Variants in TRHDE observed in about 807,000 individuals in gnomAD.
The protein encoded by TRHDE is thyrotropin-releasing hormone-degrading ectoenzyme.
Under a neutral mutation model 125.7 loss-of-function variants are expected in TRHDE, and 72 were observed. The ratio of observed to expected loss-of-function variants is 0.57; its 90% CI spans 0.47 to 0.70. The LOEUF is 0.70. Ranked by LOEUF, TRHDE falls within the 30% of genes least tolerant of loss-of-function variation. The probability of loss-of-function intolerance (pLI) is 0.00; values close to 1 mark genes in which losing one functional copy is unlikely to be tolerated. For missense variants in TRHDE, 1,110 were observed against 1,327.1 expected, an observed-to-expected ratio of 0.84 and a Z score of 2.54; for synonymous variants, 509 against 509.1, an observed-to-expected ratio of 1.00 and a Z score of 0.00.
At chr12:72,555,182 T>G (rs549998031) in intron 7 of TRHDE, among the ~76,000 whole-genome samples, 1 of 152,224 alleles carries the variant, frequency 6.6e-6, no homozygotes, top group African/African-American at 2.4e-5. Flanking sequence ...ATGCCTTTTT[T>G]GTTCCTAGCA....
At chr12:72,182,075 TA>T (rs1877106281) in intron 2 of TRHDE, among the ~76,000 whole-genome samples, 1 of 152,212 alleles carries the variant, frequency 6.6e-6, no homozygotes, top group African/African-American at 2.4e-5. Context: ...ACTTATTAAA[TA>T]ACAATGGCTT....
At chr12:72,288,024 G>A (rs1275051426) in intron 2 of TRHDE, among the ~76,000 whole-genome samples, 2 of 151,054 alleles carry the variant, frequency 1.3e-5, no homozygotes, top group Non-Finnish European at 1.5e-5. Context: ...GGGGCTAAAC[G>A]TAAGCAAATG....
At chr12:72,410,576 C>T (rs959689267) in intron 3 of TRHDE, among the ~76,000 whole-genome samples, 1 of 151,888 alleles carries the variant, frequency 6.6e-6, no homozygotes, top group Admixed American at 6.6e-5. Context: ...ATTAAAAAAT[C>T]AATCAGTATA....
intron 3 of TRHDE, among the ~76,000 whole-genome samples, chr12:72,467,076 C>G (rs1320893145): frequency 1.3e-5 from 2 of 152,130 alleles, no homozygotes; most frequent in African/African-American, 4.8e-5. Flanking sequence ...CCGTTGATAT[C>G]CTATTTACCT....
At chr12:72,223,533 C>T (rs1172794245) in intron 2 of TRHDE, among the ~76,000 whole-genome samples, 1 of 152,072 alleles carries the variant, frequency 6.6e-6, no homozygotes, top group Non-Finnish European at 1.5e-5. Context: ...ACAGTTCTGT[C>T]TCAGTACACA....
chr12:72,210,183 T>TATC (rs1249802767), intron 2 of TRHDE, among the ~76,000 whole-genome samples: 2 of 146,170 alleles, frequency 1.4e-5, no homozygotes, highest in Non-Finnish European at 3.0e-5. Flanking sequence ...TCTATCTATC[T>TATC]ATCTATCTAT....
chr12:72,556,538 G>A (rs1411018018), intron 7 of TRHDE, among the ~76,000 whole-genome samples: 1 of 152,216 alleles, frequency 6.6e-6, no homozygotes, highest in African/African-American at 2.4e-5. Flanking sequence ...ATAGTCCTAG[G>A]ACGAAGCATC....
At chr12:72,242,292 T>C (rs1878497930) in intron 2 of TRHDE, among the ~76,000 whole-genome samples, 1 of 152,184 alleles carries the variant, frequency 6.6e-6, no homozygotes, top group Non-Finnish European at 1.5e-5. Flanking sequence ...CAGCAATTTA[T>C]AGTTCCCTGC....
At chr12:72,495,435 A>G (rs1301836563) in intron 5 of TRHDE, among the ~76,000 whole-genome samples, 1 of 152,070 alleles carries the variant, frequency 6.6e-6, no homozygotes, top group African/African-American at 2.4e-5. Flanking sequence ...TTCCTCTGCC[A>G]GATTTGCCCT....
chr12:72,231,331 A>C (rs1443068995), intron 2 of TRHDE, among the ~76,000 whole-genome samples: 1 of 152,134 alleles, frequency 6.6e-6, no homozygotes, highest in Non-Finnish European at 1.5e-5. Flanking sequence ...TCACAGTCTA[A>C]TGTGCCAATA....
At chr12:72,430,399 ACG>A (rs1195628931) in intron 3 of TRHDE, among the ~76,000 whole-genome samples, 1 of 141,166 alleles carries the variant, frequency 7.1e-6, no homozygotes, top group Non-Finnish European at 1.5e-5. Flanking sequence ...ATATACACAC[ACG>A]TATATATATG....
chr12:72,587,615 A>G (rs1208356130), intron 12 of TRHDE, among the ~76,000 whole-genome samples: 1 of 152,104 alleles, frequency 6.6e-6, no homozygotes, highest in Non-Finnish European at 1.5e-5. Context: ...TATTAAAAAA[A>G]TTATACAGAA....
chr12:72,119,604 C>T (rs950404488), intron 2 of TRHDE, among the ~76,000 whole-genome samples: 3 of 152,126 alleles, frequency 2.0e-5, no homozygotes, highest in African/African-American at 7.2e-5. Context: ...TCTATTTGGA[C>T]AATTTGCTCA....
chr12:72,378,699 T>C (rs1326465269), intron 3 of TRHDE, among the ~76,000 whole-genome samples: 3 of 152,234 alleles, frequency 2.0e-5, no homozygotes, highest in Non-Finnish European at 4.4e-5. Flanking sequence ...TACACTATTA[T>C]AGTAAATACA....
chr12:72,174,526 C>T (rs985715892), intron 2 of TRHDE, among the ~76,000 whole-genome samples: 19 of 152,090 alleles, frequency 1.2e-4, no homozygotes, highest in African/African-American at 4.3e-4. Context: ...CAGATTTATG[C>T]TCTACAATTA....
At chr12:72,580,492 A>T (rs1402810410) in intron 12 of TRHDE, among the ~76,000 whole-genome samples, 1 of 152,198 alleles carries the variant, frequency 6.6e-6, no homozygotes, top group Non-Finnish European at 1.5e-5. Context: ...CCCAGGCCGG[A>T]GTGCAATGGC....
intron 2 of TRHDE, among the ~76,000 whole-genome samples, chr12:72,124,781 T>A (rs900694804): frequency 1.3e-5 from 2 of 152,178 alleles, no homozygotes; most frequent in Non-Finnish European, 2.9e-5. Flanking sequence ...TGGTGGCACA[T>A]GTCTGTAGTC....
intron 2 of TRHDE, among the ~76,000 whole-genome samples, chr12:72,362,748 T>A (rs1394096590): frequency 6.6e-6 from 1 of 152,110 alleles, no homozygotes; most frequent in African/African-American, 2.4e-5. Flanking sequence ...GTATAAGGTG[T>A]AAGGAAGAGA....
chr12:72,391,075 A>G (rs1023673377), intron 3 of TRHDE, among the ~76,000 whole-genome samples: 2 of 152,292 alleles, frequency 1.3e-5, no homozygotes, highest in Non-Finnish European at 2.9e-5. Context: ...TTTTAATAAT[A>G]AATAATTTTT....
Sources: allele counts gnomAD v4.1 joint callset (sites outside exome capture counted in the v4.1 genomes callset), GRCh38; gene constraint gnomAD v4.1.1; transcripts MANE v1.5; gene names NCBI Gene and HGNC (gene_info 2026-07-23, HGNC 2026-07-21).